Variants in ITGA1 observed in about 807,000 individuals in gnomAD.
ITGA1 encodes the protein integrin subunit alpha 1, also known as integrin alpha-1.
A neutral mutation model predicts 145.9 loss-of-function variants in ITGA1; 85 were observed. That is an observed-to-expected ratio of 0.58 (90% CI 0.49 to 0.70). ITGA1 has a LOEUF of 0.70. Among genes scored for constraint, ITGA1 ranks in the 30% least tolerant of loss-of-function variants. The pLI, the probability that ITGA1 is intolerant of heterozygous loss-of-function variation, is 0.00. For missense variants in ITGA1, 1,351 were observed against 1,418.7 expected (o/e 0.95, Z 0.77); for synonymous variants, 520 against 495.3 (o/e 1.05, Z -0.66).
chr5:52,814,329 GTTTTC>G, intron 1 of ITGA1, among the ~76,000 whole-genome samples: 1 of 152,028 alleles, frequency 6.6e-6, no homozygotes, highest in South Asian at 2.1e-4. Context: ...GTATAGGCGG[GTTTTC>G]GCCATGTTGA....
intron 1 of ITGA1, among the ~76,000 whole-genome samples, chr5:52,815,288 A>C (rs62360078): frequency 0.25 from 38,779 of 152,170 alleles, 5,314 homozygotes; most frequent in Non-Finnish European, 0.3. Context: ...TTTCTCTCCT[A>C]CTTTCCTAGG....
In ITGA1 at chr5:52,910,412, A is replaced by G. The variant is rs199655323; in HGVS notation, c.1850A>G (p.Tyr617Cys). The G allele has an allele frequency of 1.2e-6, 2 of 1,610,946 alleles. No individual in the cohort carries two copies. The highest frequency in any genetic ancestry group is 2.2e-5 in the South Asian group (2 of 91,020). ...HGSGKTIRKE[Y>C]AQRIPSGGDG... Reference sequence around the variant, plus strand: ...AGTGGCAAGACTATAAGGAAAGAGTATGCACAAGTAAGAATTGAAACCTAC... The same window carrying G: ...AGTGGCAAGACTATAAGGAAAGAGTGTGCACAAGTAAGAATTGAAACCTAC... The change falls in exon 14 of 29, where the codon TAT (tyrosine) becomes TGT (cysteine). Residue 617 changes from tyrosine to cysteine, a missense_variant. Coordinates refer to ENST00000282588, the MANE Select transcript of ITGA1 (RefSeq NM_181501.2).
chr5:52,907,762 C>A lies in ITGA1; in HGVS notation c.1456-1136C>A, dbSNP rs186794851. On this transcript the variant is annotated intron_variant, in intron 12 of 28. Coordinates refer to ENST00000282588, the MANE Select transcript of ITGA1 (RefSeq NM_181501.2). ...AAGTGGTGGGAACCATGGCCCTGGG[C>A]AGCTTGTGAGCTTCCACTGAGCTCC... Among the ~76,000 whole-genome samples, 47 of 152,264 alleles carry A rather than the reference C, an allele frequency of 3.1e-4. 1 individual carries two copies. The East Asian group carries it at 9.1e-3, about 29-fold the overall frequency.
intron 2 of ITGA1, among the ~76,000 whole-genome samples, chr5:52,854,453 A>G (rs1749476515): frequency 6.6e-6 from 1 of 151,808 alleles, no homozygotes; most frequent in African/African-American, 2.4e-5. Context: ...CCACCCCTCC[A>G]CCTTTTATGA....
chr5:52,835,755 C>T (rs1363765725), intron 1 of ITGA1, among the ~76,000 whole-genome samples: 1 of 152,018 alleles, frequency 6.6e-6, no homozygotes, highest in Non-Finnish European at 1.5e-5. Flanking sequence ...GTTATTGGTT[C>T]GTTTGTTCTA....
At chr5:52,905,937 A>C in intron 12 of ITGA1, 29 bp downstream of exon 12, 1 of 1,586,278 alleles carries the variant, frequency 6.3e-7, no homozygotes, top group East Asian at 2.3e-5. Flanking sequence ...CTTTTATTTA[A>C]ATTAATCTAT....
Position 52,905,839 on chromosome 5 carries a change from AG to A in ITGA1, c.1388del (p.Gly463AlafsTer32). On this transcript the variant is annotated frameshift_variant, in exon 12 of 29. Transcript: ENST00000282588. LOFTEE classifies it high-confidence loss of function. ...IAGQPRYNHT[G>X]QVIIYRMEDG... The stretch of plus-strand genomic sequence containing the variant: ...CTGGACAGCCTCGGTACAATCATAC[AG>A]GCCAGGTCATTATCTACAGGATGGA... The A allele has an allele frequency of 6.2e-7, 1 of 1,613,762 alleles. No homozygotes were observed. Among genetic ancestry groups the A allele is most frequent in the African/African-American group, 1.3e-5 (1 of 75,048 alleles).
At chr5:52,877,225 A>T (rs555295819) in intron 6 of ITGA1, among the ~76,000 whole-genome samples, 1 of 152,324 alleles carries the variant, frequency 6.6e-6, no homozygotes, top group Non-Finnish European at 1.5e-5. Context: ...GCAGAGTTTC[A>T]GGACAGTTAG....
intron 8 of ITGA1, among the ~76,000 whole-genome samples, chr5:52,892,259 G>T (rs563123189): frequency 6.6e-6 from 1 of 152,216 alleles, no homozygotes; most frequent in South Asian, 2.1e-4. Context: ...AGTCATTAGA[G>T]AAATGCAAAT....
chr5:52,800,467 G>A, intron 1 of ITGA1: 1 of 1,614,084 alleles, frequency 6.2e-7, no homozygotes, highest in Non-Finnish European at 8.5e-7. Context: ...GGAGCCTGAG[G>A]ACATGTGGCA....
intron 1 of ITGA1, among the ~76,000 whole-genome samples, chr5:52,812,730 G>A (rs1460253048): frequency 7.0e-6 from 1 of 143,404 alleles, no homozygotes; most frequent in Non-Finnish European, 1.5e-5. Context: ...TATGATGTAA[G>A]CAAAATATCT....
In ITGA1 at chr5:52,882,638, T is replaced by C. The variant is rs996389341; in HGVS notation, c.773+617T>C. Among the ~76,000 whole-genome samples the C allele has an allele frequency of 1.5e-4, 23 of 152,160 alleles. 1 individual carries two copies. The highest frequency in any genetic ancestry group is 4.3e-4 in the African/African-American group (18 of 41,454). ...CCTTTCTTCCATCTGCAGTTTTCCT[T>C]ATGGTGAACACATAACTCAGTCTGT... On this transcript the variant is annotated intron_variant, in intron 7 of 28. Transcript: ENST00000282588.
intron 6 of ITGA1, 94 bp downstream of exon 6, chr5:52,865,911 TA>T (rs1749679885): frequency 9.8e-7 from 1 of 1,022,068 alleles, no homozygotes; most frequent in African/African-American, 1.7e-5. Flanking sequence ...AATTAATCAA[TA>T]AAACTAAAGT....
At chr5:52,865,206 A>C (rs1230182166) in intron 5 of ITGA1, 124 bp downstream of exon 5, 1 of 665,434 alleles carries the variant, frequency 1.5e-6, no homozygotes, top group Non-Finnish European at 2.5e-6. Flanking sequence ...TTACCAATTT[A>C]GGTAAATGTT....
intron 1 of ITGA1, chr5:52,801,680 T>G: frequency 6.2e-7 from 1 of 1,614,160 alleles, no homozygotes; most frequent in Non-Finnish European, 8.5e-7. Context: ...GTGAGGCTGG[T>G]GGACAGTGTG....
rs79224226 is a variant in ITGA1, at chr5:52,936,508, C to T, written c.2965-893C>T. Among the ~76,000 whole-genome samples the T allele has an allele frequency of 5.3e-3, 813 of 152,188 alleles. 5 individuals are homozygous for T. Among genetic ancestry groups the T allele is most frequent in the Non-Finnish European group, 7.0e-3 (473 of 68,004 alleles). On this transcript the variant is annotated intron_variant, in intron 23 of 28. Transcript: ENST00000282588. ...GATCACTGGCTTTCCTTGGGTCTAT[C>T]TATGTAGATCAAGGCGTTCCCTACC... is the stretch of plus-strand genomic sequence containing the variant.
chr5:52,893,906 T>C, intron 9 of ITGA1, 66 bp downstream of exon 9: 1 of 1,305,922 alleles, frequency 7.7e-7, no homozygotes, highest in Non-Finnish European at 1.1e-6. Flanking sequence ...ATGGGATTTT[T>C]GTATTTATTC....
Position 52,918,724 on chromosome 5 carries a change from G to T in ITGA1, c.1989-8G>T. 1 of 1,596,832 alleles carries T rather than the reference G, an allele frequency of 6.3e-7. No individual in the cohort carries two copies. Among genetic ancestry groups the T allele is most frequent in the Non-Finnish European group, 8.5e-7 (1 of 1,174,618 alleles). On this transcript the variant is annotated splice_polypyrimidine_tract_variant and splice_region_variant and intron_variant, in intron 15 of 28. Coordinates refer to ENST00000282588, the MANE Select transcript of ITGA1 (RefSeq NM_181501.2). ...ATGTGTGAGTAATCCCATTGTTTTT[G>T]TTTGTAGGTCCCGAGATGTGGCCGT... is the stretch of plus-strand genomic sequence containing the variant.
chr5:52,915,510 A>G lies in ITGA1; in HGVS notation c.1904A>G (p.Gln635Arg), dbSNP rs777460845. The G allele has an allele frequency of 1.7e-5, 27 of 1,613,952 alleles. No homozygotes were observed. The highest frequency in any genetic ancestry group is 2.2e-5 in the Non-Finnish European group (26 of 1,179,980). Residue 635 changes from glutamine (Q) to arginine (R), a missense_variant, in exon 15 of 29, where the codon CAG (glutamine) becomes CGG (arginine). By Grantham distance (43) the Gln-to-Arg change is conservative (BLOSUM62 1). Transcript: ENST00000282588. ...GDGKTLKFFG[Q>R]SIHGEMDLNG... ...GGTAAGACACTGAAATTTTTTGGCCAGTCTATCCACGGAGAAATGGATTTA... is the reference window on the plus strand; with the variant it reads ...GGTAAGACACTGAAATTTTTTGGCCGGTCTATCCACGGAGAAATGGATTTA...
Sources: allele counts gnomAD v4.1 joint callset (sites outside exome capture counted in the v4.1 genomes callset), GRCh38; gene constraint gnomAD v4.1.1; transcripts MANE v1.5; gene names NCBI Gene and HGNC (gene_info 2026-07-23, HGNC 2026-07-21).